Variants in UBE3C observed in about 807,000 individuals in gnomAD.
UBE3C encodes ubiquitin-protein ligase E3C.
A neutral mutation model predicts 129.4 loss-of-function variants in UBE3C; 42 were observed. That is an observed-to-expected ratio of 0.32 (90% CI 0.25 to 0.42). The LOEUF (loss-of-function observed/expected upper bound fraction) is 0.42, where lower values mean the gene tolerates loss of function less well. UBE3C is among the 10% of genes least tolerant of loss of function. The pLI is 1.00. For missense variants in UBE3C, 1,049 were observed against 1,319.1 expected (o/e 0.80, Z 3.17); for synonymous variants, 510 against 492.4 (o/e 1.04, Z -0.47).
At chr7:157,190,175 C>G (rs916500390) in intron 10 of UBE3C, among the ~76,000 whole-genome samples, 3 of 152,182 alleles carry the variant, frequency 2.0e-5, no homozygotes, top group African/African-American at 2.4e-5. Context: ...TCTAGTGACT[C>G]TCACATTTGT....
At chr7:157,242,514 GTTTTTT>G (rs33913991) in intron 18 of UBE3C, among the ~76,000 whole-genome samples, 1 of 112,126 alleles carries the variant, frequency 8.9e-6, no homozygotes, top group South Asian at 2.9e-4. Flanking sequence ...AGCCTGAGTT[GTTTTTT>G]TTTTTTTTTT....
chr7:157,210,725 A>G (rs1015853197), intron 13 of UBE3C, among the ~76,000 whole-genome samples: 1 of 152,342 alleles, frequency 6.6e-6, no homozygotes, highest in South Asian at 2.1e-4. Context: ...CGTTTAGCCC[A>G]TGATCTCCTG....
chr7:157,228,850 A>C (rs193235022), intron 17 of UBE3C, among the ~76,000 whole-genome samples: 4 of 152,184 alleles, frequency 2.6e-5, no homozygotes, highest in Non-Finnish European at 5.9e-5. Flanking sequence ...ATCATAGACT[A>C]TTTACACTCC....
chr7:157,139,854 C>G (rs963404658), intron 1 of UBE3C: 72 of 317,882 alleles, frequency 2.3e-4, no homozygotes, highest in Non-Finnish European at 3.0e-4. Context: ...GTGAACGGCA[C>G]GCATTTGCTG....
At position 157,147,675 on chromosome 7, in the gene UBE3C, G is replaced by A. The variant is rs1199512330; in HGVS notation, c.66+8337G>A. Among the ~76,000 whole-genome samples the A allele has an allele frequency of 2.0e-5, 3 of 152,060 alleles. No homozygotes were observed. In the East Asian group the frequency reaches 5.8e-4, roughly 29 times the overall value. ...CTCATCATGAAGTATGATGTTTGGTGGGTTTTTTGGTAGATATTCTTTATC... is the reference window on the plus strand; with the variant it reads ...CTCATCATGAAGTATGATGTTTGGTAGGTTTTTTGGTAGATATTCTTTATC... On this transcript the variant is annotated intron_variant, in intron 1 of 22. Transcript: ENST00000348165.
chr7:157,139,298 A>C lies in UBE3C; in HGVS notation c.26A>C (p.Lys9Thr). 1 of 1,583,214 alleles carries C rather than the reference A, an allele frequency of 6.3e-7. No homozygotes were observed. The highest frequency in any genetic ancestry group is 8.5e-7 in the Non-Finnish European group (1 of 1,171,862). The change falls in exon 1 of 23, where the codon AAG (lysine) becomes ACG (threonine). Residue 9 changes from lysine to threonine, a missense_variant. By Grantham distance (78) the Lys-to-Thr change is moderately conservative (BLOSUM62 -1). Transcript: ENST00000348165. ...ATGTTCAGCTTCGAAGGCGACTTCAAGACGCGGCCCAAGGTGTCCCTTGGC... is the reference window on the plus strand; with the variant it reads ...ATGTTCAGCTTCGAAGGCGACTTCACGACGCGGCCCAAGGTGTCCCTTGGC... The part of the protein sequence containing the change: MFSFEGDF[K>T]TRPKVSLGGA...
At position 157,225,389 on chromosome 7, in the gene UBE3C, G is replaced by T; in HGVS notation, c.2101-18G>T. 1 of 1,589,982 alleles carries T rather than the reference G, an allele frequency of 6.3e-7. No individual in the cohort carries two copies. The highest frequency in any genetic ancestry group is 1.2e-5 in the South Asian group (1 of 85,096). ...GTCTTTTGTTTCTAATAACCTTACA[G>T]CTTTCCTTGTTTGTTAGATCTTTCA... On this transcript the variant is annotated intron_variant, in intron 16 of 22. Transcript: ENST00000348165.
chr7:157,192,853 G>T, intron 10 of UBE3C: 13 of 903,420 alleles, frequency 1.4e-5, no homozygotes, highest in Non-Finnish European at 2.2e-5. Context: ...GTTAATAAAA[G>T]ACATGAACTT....
At chr7:157,150,977 C>T (rs866544183) in intron 1 of UBE3C, among the ~76,000 whole-genome samples, 24 of 152,302 alleles carry the variant, frequency 1.6e-4, no homozygotes, top group East Asian at 1.5e-3. Flanking sequence ...CGGCCGCTTG[C>T]GGGGCTTCTT....
intron 20 of UBE3C, 39 bp downstream of exon 20, chr7:157,254,181 A>G (rs368739239): frequency 1.6e-5 from 25 of 1,609,536 alleles, no homozygotes; most frequent in Non-Finnish European, 2.0e-5. Flanking sequence ...CGCTTGTCAC[A>G]GGAAATGAAC....
At chr7:157,156,818 G>A (rs1807923035) in intron 1 of UBE3C, among the ~76,000 whole-genome samples, 1 of 151,498 alleles carries the variant, frequency 6.6e-6, no homozygotes, top group African/African-American at 2.4e-5. Flanking sequence ...TCAGTAGATA[G>A]ATCTACCACA....
intron 2 of UBE3C, among the ~76,000 whole-genome samples, 193 bp from the exon 3 acceptor site, chr7:157,168,855 C>T (rs1563037461): frequency 1.3e-5 from 2 of 152,130 alleles, no homozygotes; most frequent in Admixed American, 1.3e-4. Flanking sequence ...TGAAGGTATT[C>T]TAAGATCAGT....
chr7:157,197,908 CTA>C, intron 10 of UBE3C: 2 of 1,603,900 alleles, frequency 1.2e-6, no homozygotes, highest in Non-Finnish European at 8.5e-7. Flanking sequence ...GGTGTACTGA[CTA>C]TTTCAGGTGT....
At chr7:157,139,438 A>G (rs1807365296) in intron 1 of UBE3C, 100 bp downstream of exon 1, 14 of 292,768 alleles carry the variant, frequency 4.8e-5, no homozygotes, top group South Asian at 1.6e-4. Flanking sequence ...CTCGGGGCCG[A>G]GACTTGGGGC....
intron 13 of UBE3C, among the ~76,000 whole-genome samples, chr7:157,213,347 A>G (rs955683842): frequency 1.3e-5 from 2 of 152,256 alleles, no homozygotes; most frequent in Admixed American, 1.3e-4. Context: ...GGAGCAGTTG[A>G]AAACTCGACT....
chr7:157,231,071 T>A lies in UBE3C; in HGVS notation c.2234-9T>A. ...CTTTCCTCCTCACCCTCCCATTTTT[T>A]TTTAACAGAGCCTGATTTGAAAAAG... On this transcript the variant is annotated splice_polypyrimidine_tract_variant and intron_variant, in intron 17 of 22. Coordinates refer to ENST00000348165, the MANE Select transcript of UBE3C (RefSeq NM_014671.3). 1.2e-6 allele frequency: 2 copies of A among 1,611,946 alleles called. No homozygotes were observed. The highest frequency in any genetic ancestry group is 3.3e-5 in the Admixed American group (2 of 59,714).
At chr7:157,161,723 G>A (rs184714951) in intron 1 of UBE3C, among the ~76,000 whole-genome samples, 91 of 152,082 alleles carry the variant, frequency 6.0e-4, no homozygotes, top group African/African-American at 2.0e-3. Flanking sequence ...CAAAGTGCTC[G>A]GATTATAGCC....
intron 6 of UBE3C, among the ~76,000 whole-genome samples, chr7:157,179,703 G>C (rs952734413): frequency 1.3e-5 from 2 of 152,186 alleles, no homozygotes; most frequent in Non-Finnish European, 2.9e-5. Context: ...ATTATAAGCA[G>C]CTGTGCTTTC....
chr7:157,184,773 A>C (rs1808762497), intron 9 of UBE3C, among the ~76,000 whole-genome samples: 2 of 152,348 alleles, frequency 1.3e-5, no homozygotes, highest in East Asian at 1.9e-4. Context: ...TTCCTGGACA[A>C]AGAGCTTCAC....
Sources: allele counts gnomAD v4.1 joint callset (sites outside exome capture counted in the v4.1 genomes callset), GRCh38; gene constraint gnomAD v4.1.1; transcripts MANE v1.5; gene names NCBI Gene and HGNC (gene_info 2026-07-23, HGNC 2026-07-21).